Variants in DCAF6 observed in about 807,000 individuals in gnomAD.
The protein encoded by DCAF6 is DDB1- and CUL4-associated factor 6.
DCAF6 carries 54 observed loss-of-function variants against 125.1 expected under a neutral mutation model. The observed-to-expected ratio is 0.43, with a 90% CI of 0.35 to 0.54. The LOEUF (loss-of-function observed/expected upper bound fraction) is 0.54. DCAF6 is among the 20% of genes least tolerant of loss of function. The probability of loss-of-function intolerance (pLI) is 0.01; values close to 1 mark genes in which losing one functional copy is unlikely to be tolerated. For synonymous variants in DCAF6, 371 were observed against 390.4 expected, an observed-to-expected ratio of 0.95 and a Z score of 0.58; for missense variants, 934 against 1,161.7, an observed-to-expected ratio of 0.80 and a Z score of 2.85.
At chr1:167,865,586 T>C in the DCAF6 span, among the ~76,000 whole-genome samples, 1 of 152,176 alleles carries the variant, frequency 6.6e-6, no homozygotes, top group African/African-American at 2.4e-5. Context: ...ACAAGAAGTA[T>C]TATTAAATAT....
chr1:167,953,723 C>G (rs569971881), intron 2 of DCAF6, among the ~76,000 whole-genome samples: 1 of 152,044 alleles, frequency 6.6e-6, no homozygotes, highest in Non-Finnish European at 1.5e-5. Flanking sequence ...TGCAGCCTCC[C>G]GAGTAGCTGG....
At chr1:168,048,486 C>T (rs745553873) in intron 16 of DCAF6, among the ~76,000 whole-genome samples, 12 of 152,074 alleles carry the variant, frequency 7.9e-5, no homozygotes, top group Non-Finnish European at 1.6e-4. Context: ...CAGTTCCTTG[C>T]AATACAGAGT....
chr1:167,891,370 T>C, the DCAF6 span, among the ~76,000 whole-genome samples: 1 of 150,404 alleles, frequency 6.6e-6, no homozygotes, highest in Non-Finnish European at 1.5e-5. Flanking sequence ...TAAAGGAGAG[T>C]GTTGGGTCGG....
At chr1:167,931,463 T>C (rs1333712855), upstream of DCAF6, among the ~76,000 whole-genome samples, 3 of 152,098 alleles carry the variant, frequency 2.0e-5, no homozygotes, top group African/African-American at 4.8e-5. Context: ...ATTTTAGTTA[T>C]CTCTTAACTT....
At chr1:168,022,505 C>T (rs533895782) in intron 11 of DCAF6, among the ~76,000 whole-genome samples, 1 of 152,224 alleles carries the variant, frequency 6.6e-6, no homozygotes, top group South Asian at 2.1e-4. Flanking sequence ...AAACCATTTT[C>T]TTTGTATAAG....
chr1:167,900,718 G>A, the DCAF6 span, among the ~76,000 whole-genome samples: 15 of 152,244 alleles, frequency 9.9e-5, no homozygotes, highest in South Asian at 3.1e-3. Context: ...TTTTAGTAGA[G>A]ACGGGGTTTC....
chr1:168,008,911 T>TCCTCCCAC (rs1683769723), intron 10 of DCAF6, among the ~76,000 whole-genome samples: 1 of 109,010 alleles, frequency 9.2e-6, no homozygotes, highest in Non-Finnish European at 1.9e-5. Context: ...CTCCCTCCCT[T>TCCTCCCAC]CCTCCCACTT....
intron 7 of DCAF6, among the ~76,000 whole-genome samples, chr1:167,995,627 C>T (rs1042626026): frequency 2.7e-5 from 4 of 149,436 alleles, no homozygotes; most frequent in African/African-American, 5.0e-5. Context: ...TTGCATGAGC[C>T]GAGATCACGC....
intron 3 of DCAF6, among the ~76,000 whole-genome samples, chr1:167,972,700 A>G (rs1677520845): frequency 6.6e-6 from 1 of 152,198 alleles, no homozygotes; most frequent in South Asian, 2.1e-4. Context: ...GGAAAGAAAA[A>G]TGAAAAAAGG....
At chr1:167,875,101 A>G in the DCAF6 span, 2 of 1,596,998 alleles carry the variant, frequency 1.3e-6, no homozygotes, top group Non-Finnish European at 8.6e-7. Context: ...AGTTCAATAA[A>G]GAAGTTTAAA....
In DCAF6 at chr1:168,059,509, G is replaced by C. The variant is rs138818852; in HGVS notation, c.2301-4112G>C. ...CTTGGCTATTCTTTGTCCTTTGGTTGATTTTATAATCAACTTTTTCAGTTC... is the reference window on the plus strand; with the variant it reads ...CTTGGCTATTCTTTGTCCTTTGGTTCATTTTATAATCAACTTTTTCAGTTC... On this transcript the variant is annotated intron_variant, in intron 17 of 21. Transcript: ENST00000367840. Among the ~76,000 whole-genome samples, 44 of 152,088 alleles carry C rather than the reference G, an allele frequency of 2.9e-4. 1 individual carries two copies. Among genetic ancestry groups the C allele is most frequent in the Admixed American group, 2.8e-3 (43 of 15,276 alleles).
chr1:167,880,900 G>A, the DCAF6 span, among the ~76,000 whole-genome samples: 1 of 152,170 alleles, frequency 6.6e-6, no homozygotes, highest in African/African-American at 2.4e-5. Context: ...GGTCCATGCT[G>A]CAAAGTGCTC....
chr1:167,940,180 G>A (rs978527671), intron 1 of DCAF6, among the ~76,000 whole-genome samples: 4 of 152,234 alleles, frequency 2.6e-5, no homozygotes, highest in African/African-American at 9.6e-5. Context: ...CTATTATGTT[G>A]TGGGAATGAA....
intron 12 of DCAF6, among the ~76,000 whole-genome samples, chr1:168,032,520 T>C (rs6697439): frequency 6.6e-6 from 1 of 152,208 alleles, no homozygotes; most frequent in South Asian, 2.1e-4. Context: ...TATACAAGTC[T>C]AGTAAGTTGG....
At chr1:167,955,446 T>G (rs983438309) in intron 2 of DCAF6, among the ~76,000 whole-genome samples, 1 of 151,836 alleles carries the variant, frequency 6.6e-6, no homozygotes, top group Non-Finnish European at 1.5e-5. Context: ...GTGGTCAGTT[T>G]TTTTTTTTTT....
intron 1 of DCAF6, among the ~76,000 whole-genome samples, chr1:167,938,132 C>T (rs367545192): frequency 1.2e-4 from 18 of 151,932 alleles, no homozygotes; most frequent in African/African-American, 4.1e-4. Context: ...AGCAAAAATC[C>T]CTTTGATCCC....
the DCAF6 span, among the ~76,000 whole-genome samples, chr1:167,914,438 A>C: frequency 5.1e-4 from 77 of 152,348 alleles, no homozygotes; most frequent in Admixed American, 1.3e-3. Context: ...GCAAACACCT[A>C]ATTTTAGTCA....
chr1:167,864,570 G>A, the DCAF6 span, among the ~76,000 whole-genome samples: 1 of 151,590 alleles, frequency 6.6e-6, no homozygotes, highest in African/African-American at 2.4e-5. Context: ...AGAAACAGAG[G>A]CAAAAGGAAA....
intron 7 of DCAF6, among the ~76,000 whole-genome samples, chr1:167,995,343 G>C (rs1681492797): frequency 6.6e-6 from 1 of 152,006 alleles, no homozygotes; most frequent in Non-Finnish European, 1.5e-5. Context: ...CTTGTTTGTT[G>C]CATTAACTAA....
Sources: allele counts gnomAD v4.1 joint callset (sites outside exome capture counted in the v4.1 genomes callset), GRCh38; gene constraint gnomAD v4.1.1; transcripts MANE v1.5; gene names NCBI Gene and HGNC (gene_info 2026-07-23, HGNC 2026-07-21).